Variants in GATM observed in about 807,000 individuals in gnomAD.
GATM encodes the protein glycine amidinotransferase, mitochondrial.
In GATM, 23 loss-of-function variants were observed where a neutral mutation model predicts 54.2. That is an observed-to-expected ratio of 0.42 (90% CI 0.31 to 0.60). The LOEUF (loss-of-function observed/expected upper bound fraction) is 0.60, where lower values mean the gene tolerates loss of function less well. GATM is among the 20% of genes least tolerant of loss of function. The probability of loss-of-function intolerance (pLI) is 0.14; values close to 1 mark genes in which losing one functional copy is unlikely to be tolerated. For synonymous variants in GATM, 168 were observed against 183.1 expected, an observed-to-expected ratio of 0.92 and a Z score of 0.67; for missense variants, 401 against 544.9, an observed-to-expected ratio of 0.74 and a Z score of 2.63.
chr15:45,396,666 C>G (rs928556605), intron 3 of GATM, among the ~76,000 whole-genome samples: 2 of 151,826 alleles, frequency 1.3e-5, no homozygotes, highest in Non-Finnish European at 2.9e-5. Flanking sequence ...GTCAGGAGAT[C>G]GAGACCATCC....
At position 45,364,681 on chromosome 15, in the gene GATM, T is replaced by C. The variant is rs1372212491; in HGVS notation, c.1042+116A>G. On this transcript the variant is annotated intron_variant, in intron 7 of 8. Coordinates refer to ENST00000396659, the MANE Select transcript of GATM (RefSeq NM_001482.3). ...ACAGTCCCAAGCACCACTTCACACC[T>C]TACTGAGGAAACACATTCTCTAAGC... The C allele has an allele frequency of 1.4e-5, 13 of 935,392 alleles. No homozygotes were observed. In the Admixed American group the frequency reaches 1.7e-4, roughly 12 times the overall value. 57.9% of individuals were successfully genotyped at this position (935,392 alleles called of 1,614,324 possible).
intron 3 of GATM, among the ~76,000 whole-genome samples, chr15:45,391,839 G>T (rs565018303): frequency 2.7e-4 from 41 of 152,164 alleles, no homozygotes; most frequent in African/African-American, 9.2e-4. Context: ...AAGTTCTTCT[G>T]CTAAAGAAAA....
intron 2 of GATM, among the ~76,000 whole-genome samples, chr15:45,370,401 G>A (rs1388332781): frequency 3.1e-5 from 4 of 130,352 alleles, no homozygotes; most frequent in South Asian, 2.5e-4. Context: ...AAAAGAAAAA[G>A]AAAAAGAAAA....
intron 3 of GATM, among the ~76,000 whole-genome samples, chr15:45,392,941 T>G (rs1889887980): frequency 6.6e-6 from 1 of 152,210 alleles, no homozygotes; most frequent in South Asian, 2.1e-4. Context: ...TAGAACAATC[T>G]CTAGCCAAGT....
chr15:45,362,357 T>TC (rs1889379088), intron 8 of GATM, 136 bp from the exon 9 acceptor site: 1 of 674,178 alleles, frequency 1.5e-6, no homozygotes, highest in African/African-American at 1.8e-5. Flanking sequence ...TATTTTCTCT[T>TC]CCAATTTTAT....
rs775560293 is a variant in GATM, at chr15:45,364,874, A to G, written c.979-14T>C. 9 of 1,611,882 alleles carry G rather than the reference A, an allele frequency of 5.6e-6. No homozygotes were observed. Among genetic ancestry groups the G allele is most frequent in the Admixed American group, 3.3e-5 (2 of 59,996 alleles). On this transcript the variant is annotated splice_polypyrimidine_tract_variant and intron_variant, in intron 6 of 8. Transcript: ENST00000396659. Reference sequence around the variant, plus strand: ...GAAAAGATCAATCTGTAAGACCAAAAAAAACCCCCAAAACCGTTAAATCTA... The same window carrying G: ...GAAAAGATCAATCTGTAAGACCAAAGAAAACCCCCAAAACCGTTAAATCTA...
chr15:45,382,740 C>T (rs1462359395), upstream of GATM, among the ~76,000 whole-genome samples: 1 of 152,088 alleles, frequency 6.6e-6, no homozygotes, highest in Non-Finnish European at 1.5e-5. Context: ...TTGCCCTGAG[C>T]CGAGATCATA....
chr15:45,383,810 G>A (rs1889773606), intron 3 of GATM, among the ~76,000 whole-genome samples: 1 of 152,016 alleles, frequency 6.6e-6, no homozygotes, highest in Admixed American at 6.6e-5. Context: ...CCAAAGTGCT[G>A]GGATTACAGG....
chr15:45,378,505 G>A lies in GATM; in HGVS notation c.-52C>T. 1.5e-6 allele frequency: 2 copies of A among 1,332,132 alleles called. No individual in the cohort carries two copies. The highest frequency in any genetic ancestry group is 3.6e-5 in the South Asian group (2 of 55,808). The allele number at this position is 1,332,132 out of a possible 1,614,324, so 82.5% of individuals were successfully genotyped here. On this transcript the variant is annotated 5_prime_UTR_variant, in exon 1 of 9. It adds an upstream start codon to the 5' untranslated region. Coordinates refer to ENST00000396659, the MANE Select transcript of GATM (RefSeq NM_001482.3). ...GGAATGTTCCTGGCCTCTGGGCCGC[G>A]TCGGTCCAAGCCTTCCCGAGAGCGC...
chr15:45,369,197 T>TTC lies in GATM; in HGVS notation c.484+128_484+129insGA, dbSNP rs1267875923. The TTC allele has an allele frequency of 4.2e-6, 3 of 721,848 alleles. No homozygotes were observed. The African/African-American group carries it at 5.3e-5, about 13-fold the overall frequency. The allele number at this position is 721,848 out of a possible 1,614,324, so 44.7% of individuals were successfully genotyped here. On this transcript the variant is annotated intron_variant, in intron 3 of 8. Coordinates refer to ENST00000396659, the MANE Select transcript of GATM (RefSeq NM_001482.3). ...ATGGACCAAACCATTCCTAAATAAA[T>TTC]CTTTAAAGTTTTCAAGAACTAGCAA... is the stretch of plus-strand genomic sequence containing the variant.
At chr15:45,397,169 C>T (rs984625260) in intron 2 of GATM, 3 of 151,892 alleles carry the variant, frequency 2.0e-5, no homozygotes, top group Admixed American at 6.6e-5. Flanking sequence ...TCCTGAGTTA[C>T]AGGGGTGCTA....
intron 2 of GATM, among the ~76,000 whole-genome samples, chr15:45,374,197 A>C (rs1013121675): frequency 2.6e-5 from 4 of 152,248 alleles, no homozygotes; most frequent in African/African-American, 9.6e-5. Flanking sequence ...GAGACTAGCT[A>C]TCAAGTTTTT....
intron 2 of GATM, 84 bp downstream of exon 2, chr15:45,376,516 TA>T: frequency 8.9e-7 from 1 of 1,129,566 alleles, no homozygotes; most frequent in Non-Finnish European, 1.3e-6. Context: ...GGTCTGGGAG[TA>T]AGCTGAAGGG....
At position 45,366,230 on chromosome 15, in the gene GATM, A is replaced by G; in HGVS notation, c.814-20T>C. 1 of 1,613,878 alleles carries G rather than the reference A, an allele frequency of 6.2e-7. No homozygotes were observed. Among genetic ancestry groups the G allele is most frequent in the Non-Finnish European group, 8.5e-7 (1 of 1,179,774 alleles). ...TGTAACCTGAAAACAAAAGAAAGAC[A>G]TACGATCGATAAATATTTGGTTCTA... On this transcript the variant is annotated intron_variant, in intron 5 of 8. Coordinates refer to ENST00000396659, the MANE Select transcript of GATM (RefSeq NM_001482.3).
At chr15:45,399,533 A>AG in intron 2 of GATM, 1 of 154,788 alleles carries the variant, frequency 6.5e-6, no homozygotes, top group Non-Finnish European at 1.4e-5. Flanking sequence ...GTCTCTAGAC[A>AG]GGGGGCCCTT....
At chr15:45,382,804 GTAATAA>G (rs145436247), upstream of GATM, among the ~76,000 whole-genome samples, 6 of 151,794 alleles carry the variant, frequency 4.0e-5, no homozygotes, top group Non-Finnish European at 7.4e-5. Context: ...AAAAATATTA[GTAATAA>G]TAATAATAAT....
chr15:45,372,179 G>C (rs1490518779), intron 2 of GATM, among the ~76,000 whole-genome samples: 1 of 152,178 alleles, frequency 6.6e-6, no homozygotes, highest in African/African-American at 2.4e-5. Flanking sequence ...ATTTGTTTAC[G>C]TATTGTCTAT....
At chr15:45,398,271 G>A (rs1185709170) in intron 2 of GATM, among the ~76,000 whole-genome samples, 1 of 152,118 alleles carries the variant, frequency 6.6e-6, no homozygotes, top group African/African-American at 2.4e-5. Context: ...TAATTATTAT[G>A]TTTGTTGAAA....
At position 45,362,235 on chromosome 15, in the gene GATM, G is replaced by A. The variant is rs2140636055; in HGVS notation, c.1160-14C>T. ...TGGTAGTGATACCTGCATTGAAAGAGAGATGAGGTCAGTTAGATGGACTAA... is the reference window on the plus strand; with the variant it reads ...TGGTAGTGATACCTGCATTGAAAGAAAGATGAGGTCAGTTAGATGGACTAA... On this transcript the variant is annotated splice_polypyrimidine_tract_variant and intron_variant, in intron 8 of 8. Coordinates refer to ENST00000396659, the MANE Select transcript of GATM (RefSeq NM_001482.3). 1.4e-6 allele frequency: 2 copies of A among 1,474,204 alleles called. No individual in the cohort carries two copies. Among genetic ancestry groups the A allele is most frequent in the Non-Finnish European group, 1.9e-6 (2 of 1,052,764 alleles). The allele number at this position is 1,474,204 out of a possible 1,614,324, so 91.3% of individuals were successfully genotyped here.
Sources: allele counts gnomAD v4.1 joint callset (sites outside exome capture counted in the v4.1 genomes callset), GRCh38; gene constraint gnomAD v4.1.1; transcripts MANE v1.5; gene names NCBI Gene and HGNC (gene_info 2026-07-23, HGNC 2026-07-21).